The following PHF3 variants were observed in gnomAD, a reference collection of about 807,000 sequenced individuals.
PHF3 encodes PHD finger protein 3.
A neutral mutation model predicts 178.4 loss-of-function variants in PHF3; 41 were observed. That is an observed-to-expected ratio of 0.23 (90% confidence interval 0.18 to 0.30). The LOEUF (loss-of-function observed/expected upper bound fraction) is 0.30. PHF3 is among the 10% of genes least tolerant of loss of function. PHF3 has a pLI of 1.00. For synonymous variants in PHF3, 842 were observed against 800.5 expected, an observed-to-expected ratio of 1.05 and a Z score of -0.88; for missense variants, 2,346 against 2,398.1, an observed-to-expected ratio of 0.98 and a Z score of 0.45.
At position 63,646,558 on chromosome 6, in the gene PHF3, A is replaced by G. The variant is rs769305814; in HGVS notation, c.7A>G (p.Ile3Val). The stretch of plus-strand genomic sequence containing the variant: ...AAGACACACAGAAGTCTTCATGGAT[A>G]TAGTTGATACATTTAATCATTTAAT... MD[I>V]VDTFNHLIPT... The change falls in exon 2 of 16, where the codon ATA becomes GTA. Residue 3 changes from isoleucine (I) to valine (V), a missense_variant. Physicochemically the swap from Ile to Val is conservative, Grantham distance 29 (BLOSUM62 3). This residue lies in a region of PHF3 where 843 missense variants were observed against 795.2 expected (regional missense o/e 1.06). Transcript: ENST00000262043. The G allele has an allele frequency of 6.2e-7, 1 of 1,609,448 alleles. No individual in the cohort carries two copies. The highest frequency in any genetic ancestry group is 1.3e-5 in the African/African-American group (1 of 74,820).
In PHF3 at chr6:63,713,156, A is replaced by C. The variant is rs764475735; in HGVS notation, c.5568A>C (p.Pro1856=). 5.0e-6 allele frequency: 8 copies of C among 1,613,956 alleles called. No homozygotes were observed. In the South Asian group the frequency reaches 7.7e-5, roughly 16 times the overall value. The change falls in exon 16 of 16, where the codon CCA becomes CCC. Residue 1856 remains proline (P), a synonymous_variant. Transcript: ENST00000262043. The part of the protein sequence containing the change: ...GFAQNPMVPW[P]PVVHLPGQPQ... ...CTCAAAATCCCATGGTTCCCTGGCC[A>C]CCTGTTGTTCATCTCCCAGGTCAGC...
chr6:63,712,439 A>C lies in PHF3; in HGVS notation c.4851A>C (p.Arg1617Ser), dbSNP rs748329300. 6 of 1,614,052 alleles carry C rather than the reference A, an allele frequency of 3.7e-6. No homozygotes were observed. In the South Asian group the frequency reaches 6.6e-5, roughly 18 times the overall value. ...AGACTTCAAATAGTTCTCCATGCAG[A>C]TCTAATGTAGGAAAAGGAAACATAG... ...DNQTSNSSPCRSNVGKGNIDG... is the reference protein window; with the variant it reads ...DNQTSNSSPCSSNVGKGNIDG... The change falls in exon 16 of 16, where the codon AGA becomes AGC. Residue 1617 changes from arginine to serine, a missense_variant. Arg to Ser is a moderately radical substitution (Grantham distance 110). This residue lies in a region of PHF3 where 839 missense variants were observed against 806.9 expected (regional missense o/e 1.04). Transcript: ENST00000262043.
At chr6:63,682,840 C>T (rs969371051) in intron 3 of PHF3, among the ~76,000 whole-genome samples, 8 of 152,072 alleles carry the variant, frequency 5.3e-5, no homozygotes, top group African/African-American at 1.4e-4. Context: ...TTAGCAACCG[C>T]TTGGGTGTTA....
In PHF3 at chr6:63,712,947, A is replaced by G. The variant is rs1768022807; in HGVS notation, c.5359A>G (p.Thr1787Ala). Residue 1787 changes from threonine (T) to alanine (A), a missense_variant, in exon 16 of 16, where the codon ACC becomes GCC. Around this residue, in one of 8 missense-constraint regions of PHF3, gnomAD observed 839 missense variants for 806.9 expected, o/e 1.04. Transcript: ENST00000262043. ...AAGCATCACCTTTACTTCCAGAAGC[A>G]CCAGCCCCAGAACAAGTACAAACTT... ...SKSITFTSRS[T>A]SPRTSTNFSP... 2 of 1,613,912 alleles carry G rather than the reference A, an allele frequency of 1.2e-6. No individual in the cohort carries two copies. The highest frequency in any genetic ancestry group is 1.1e-5 in the South Asian group (1 of 91,086).
chr6:63,653,062 G>A (rs1366713509), intron 2 of PHF3, among the ~76,000 whole-genome samples: 2 of 135,532 alleles, frequency 1.5e-5, no homozygotes, highest in Non-Finnish European at 3.2e-5. Context: ...TTTTGTGTGT[G>A]TGGTTTTGGG....
intron 2 of PHF3, among the ~76,000 whole-genome samples, chr6:63,653,024 T>A (rs1430665298): frequency 6.6e-6 from 1 of 151,388 alleles, no homozygotes; most frequent in Non-Finnish European, 1.5e-5. Flanking sequence ...GGCTAGTTTT[T>A]TTTTTTTTTG....
chr6:63,642,118 A>C (rs1454270510), intron 1 of PHF3, among the ~76,000 whole-genome samples: 2 of 152,194 alleles, frequency 1.3e-5, no homozygotes, highest in Admixed American at 1.3e-4. Context: ...ACTCAGATTA[A>C]ATTTTATTTG....
At chr6:63,708,476 A>C (rs1048033645) in intron 13 of PHF3, among the ~76,000 whole-genome samples, 2 of 152,060 alleles carry the variant, frequency 1.3e-5, no homozygotes, top group Non-Finnish European at 2.9e-5. Context: ...TTTAGTTTGG[A>C]CTGAAATCCC....
Position 63,684,214 on chromosome 6 carries a change from G to T in PHF3, c.492G>T (p.Lys164Asn). 1.2e-6 allele frequency: 2 copies of T among 1,614,026 alleles called. No homozygotes were observed. Among genetic ancestry groups the T allele is most frequent in the Non-Finnish European group, 8.5e-7 (1 of 1,179,920 alleles). Residue 164 changes from lysine (K) to asparagine (N), a missense_variant, in exon 4 of 16, where the codon AAG becomes AAT. Around this residue, in one of 8 missense-constraint regions of PHF3, gnomAD observed 843 missense variants for 795.2 expected, o/e 1.06. Transcript: ENST00000262043. The part of the protein sequence containing the change: ...PLSNTKKASG[K>N]TVSTAKAGVK... ...GTAACACAAAAAAAGCATCTGGGAA[G>T]ACTGTATCTACTGCTAAAGCAGGAG... is the stretch of plus-strand genomic sequence containing the variant.
At chr6:63,644,319 C>T (rs186860287) in intron 1 of PHF3, among the ~76,000 whole-genome samples, 2 of 152,130 alleles carry the variant, frequency 1.3e-5, no homozygotes, top group South Asian at 4.1e-4. Flanking sequence ...ATTGGTAGTT[C>T]TACTTAATTT....
chr6:63,698,644 T>C (rs781248423), intron 8 of PHF3, 39 bp downstream of exon 8: 46 of 1,407,384 alleles, frequency 3.3e-5, no homozygotes, highest in Non-Finnish European at 3.9e-5. Context: ...CTTCCAACTT[T>C]CCTGAGTACA....
Position 63,685,191 on chromosome 6 carries a change from A to G in PHF3, c.1469A>G (p.His490Arg), listed in dbSNP as rs201507877. 28 of 1,613,878 alleles carry G rather than the reference A, an allele frequency of 1.7e-5. No homozygotes were observed. Among genetic ancestry groups the G allele is most frequent in the East Asian group, 4.5e-5 (2 of 44,884 alleles). ...YLESKSVKSK[H>R]TKPVIHSKQN... ...GAGTCAAAAAGTGTAAAATCCAAACATACAAAACCTGTAATTCATTCTAAG... is the reference window on the plus strand; with the variant it reads ...GAGTCAAAAAGTGTAAAATCCAAACGTACAAAACCTGTAATTCATTCTAAG... The change falls in exon 4 of 16, where the codon CAT (histidine) becomes CGT (arginine). Residue 490 changes from histidine (H) to arginine (R), a missense_variant. Physicochemically the swap from His to Arg is conservative, Grantham distance 29. This residue lies in a region of PHF3 where 843 missense variants were observed against 795.2 expected (regional missense o/e 1.06). Coordinates refer to ENST00000262043, the MANE Select transcript of PHF3 (RefSeq NM_001370348.2).
intron 1 of PHF3, among the ~76,000 whole-genome samples, chr6:63,640,308 G>A (rs536907143): frequency 1.2e-4 from 19 of 152,304 alleles, no homozygotes; most frequent in Non-Finnish European, 2.5e-4. Flanking sequence ...CATCTTTAGT[G>A]TTGTTATATC....
At chr6:63,657,127 G>A (rs1765268023) in intron 2 of PHF3, among the ~76,000 whole-genome samples, 1 of 152,076 alleles carries the variant, frequency 6.6e-6, no homozygotes, top group Admixed American at 6.6e-5. Context: ...TATTTCTTGT[G>A]TCTTTCCAAC....
rs985203200 is a variant in PHF3, at chr6:63,702,546, A to G, written c.3138A>G (p.Glu1046=). The change falls in exon 10 of 16, where the codon GAA becomes GAG. Residue 1046 remains glutamate (E), a synonymous_variant. Coordinates refer to ENST00000262043, the MANE Select transcript of PHF3 (RefSeq NM_001370348.2). ...TTGAGAAAGAGCAGAGAGAAGTGGA[A>G]CGACGGCCAATCACCAAAATAACTC... ...EMIEKEQREV[E]RRPITKITHK... The G allele has an allele frequency of 3.1e-6, 5 of 1,612,436 alleles. No individual in the cohort carries two copies. Among genetic ancestry groups the G allele is most frequent in the South Asian group, 1.1e-5 (1 of 90,954 alleles).
intron 2 of PHF3, among the ~76,000 whole-genome samples, chr6:63,647,594 C>A (rs1399922977): frequency 6.6e-6 from 1 of 151,984 alleles, no homozygotes; most frequent in Non-Finnish European, 1.5e-5. Context: ...TTCAAAATTA[C>A]ATATGTGTCT....
intron 2 of PHF3, among the ~76,000 whole-genome samples, chr6:63,664,515 C>T (rs775723190): frequency 2.6e-5 from 4 of 151,994 alleles, no homozygotes; most frequent in East Asian, 1.9e-4. Context: ...AGTATTTTTA[C>T]GTGTATTTAT....
chr6:63,645,618 AT>A (rs1764751548), intron 1 of PHF3, among the ~76,000 whole-genome samples: 1 of 152,174 alleles, frequency 6.6e-6, no homozygotes, highest in African/African-American at 2.4e-5. Flanking sequence ...TTAAATTAAT[AT>A]TAACTTTTTT....
At position 63,713,411 on chromosome 6, in the gene PHF3, A is replaced by G. The variant is rs1768056249; in HGVS notation, c.5823A>G (p.Gln1941=). ...KRERHEKEWE[Q]ESERHRRRDR... ...AGCGACATGAAAAGGAATGGGAGCAAGAATCTGAAAGGCATAGACGCAGAG... is the reference window on the plus strand; with the variant it reads ...AGCGACATGAAAAGGAATGGGAGCAGGAATCTGAAAGGCATAGACGCAGAG... The change falls in exon 16 of 16, where the codon CAA becomes CAG. Residue 1941 remains glutamine, a synonymous_variant. Coordinates refer to ENST00000262043, the MANE Select transcript of PHF3 (RefSeq NM_001370348.2). The G allele has an allele frequency of 3.7e-6, 6 of 1,613,960 alleles. No homozygotes were observed. The East Asian group carries it at 1.3e-4, about 36-fold the overall frequency.
Sources: allele counts gnomAD v4.1 joint callset (sites outside exome capture counted in the v4.1 genomes callset), GRCh38; gene constraint gnomAD v4.1.1; regional missense constraint gnomAD v4.1.1; transcripts MANE v1.5; gene names NCBI Gene and HGNC (gene_info 2026-07-23, HGNC 2026-07-21).